Variants in MEOX2 observed in about 807,000 individuals in gnomAD.
MEOX2 encodes the protein homeobox protein MOX-2.
MEOX2 carries 11 observed loss-of-function variants against 27.0 expected under a neutral mutation model. That is an observed-to-expected ratio of 0.41 (90% CI 0.26 to 0.68). MEOX2 has a LOEUF of 0.68. Ranked by LOEUF, MEOX2 falls within the 30% of genes least tolerant of loss-of-function variation. MEOX2 has a pLI of 0.33. For missense variants in MEOX2, 436 were observed against 385.4 expected, an observed-to-expected ratio of 1.13 and a Z score of -1.10; for synonymous variants, 189 against 155.4, an observed-to-expected ratio of 1.22 and a Z score of -1.61.
intron 1 of MEOX2, among the ~76,000 whole-genome samples, chr7:15,649,182 T>C (rs1203422027): frequency 6.6e-6 from 1 of 152,114 alleles, no homozygotes; most frequent in Non-Finnish European, 1.5e-5. Flanking sequence ...TTTTAAATTG[T>C]TAACTACCAC....
chr7:15,671,907 T>C (rs1285398091), intron 1 of MEOX2, among the ~76,000 whole-genome samples: 1 of 151,322 alleles, frequency 6.6e-6, no homozygotes, highest in African/African-American at 2.4e-5. Context: ...CTATTAATAA[T>C]ACTAATCTCT....
At chr7:15,673,520 A>C (rs2115392379) in intron 1 of MEOX2, among the ~76,000 whole-genome samples, 1 of 151,616 alleles carries the variant, frequency 6.6e-6, no homozygotes, top group African/African-American at 2.4e-5. Context: ...TACTTCTTAC[A>C]ACTGAAGGTG....
intron 1 of MEOX2, among the ~76,000 whole-genome samples, chr7:15,633,360 G>A (rs574295867): frequency 6.6e-6 from 1 of 152,004 alleles, no homozygotes; most frequent in Admixed American, 6.6e-5. Flanking sequence ...TTGAGAAGAT[G>A]GGGAGGGAAA....
Position 15,686,417 on chromosome 7 carries a change from G to T in MEOX2, c.-15C>A. The stretch of plus-strand genomic sequence containing the variant: ...GGGTGTTCCATAGCATGCAAGTTTC[G>T]GGTTCCAGGCAGAAGACTTCACGGC... On this transcript the variant is annotated 5_prime_UTR_variant, in exon 1 of 3. Coordinates refer to ENST00000262041, the MANE Select transcript of MEOX2 (RefSeq NM_005924.5). 1.3e-6 allele frequency: 2 copies of T among 1,556,066 alleles called. No individual in the cohort carries two copies. Among genetic ancestry groups the T allele is most frequent in the East Asian group, 2.4e-5 (1 of 41,644 alleles).
At chr7:15,663,473 C>T (rs1781948107) in intron 1 of MEOX2, among the ~76,000 whole-genome samples, 1 of 150,898 alleles carries the variant, frequency 6.6e-6, no homozygotes, top group African/African-American at 2.4e-5. Flanking sequence ...GTTGGGGTTA[C>T]AGGCGCATGC....
intron 2 of MEOX2, among the ~76,000 whole-genome samples, chr7:15,619,316 G>C (rs946889458): frequency 3.9e-5 from 6 of 151,956 alleles, no homozygotes; most frequent in African/African-American, 1.4e-4. Flanking sequence ...CATAGCAGAA[G>C]TCTCTTTCTT....
In MEOX2 at chr7:15,685,964, C is replaced by G; in HGVS notation, c.439G>C (p.Gly147Arg). Residue 147 changes from glycine (G) to arginine (R), a missense_variant, in exon 1 of 3, where the codon GGG (glycine) becomes CGG (arginine). By Grantham distance (125) the Gly-to-Arg change is moderately radical. Transcript: ENST00000262041. ...GACAGTGCCTGGCGGCCGTAGTCCC[C>G]CGGCGCGCACGCGGCCCCAGTCGGG... The part of the protein sequence containing the change: ...STPTGAACAP[G>R]DYGRQALSPA... 6.2e-7 allele frequency: 1 copy of G among 1,611,204 alleles called. No individual in the cohort carries two copies. The highest frequency in any genetic ancestry group is 1.3e-5 in the African/African-American group (1 of 75,044).
intron 2 of MEOX2, among the ~76,000 whole-genome samples, chr7:15,626,179 A>G (rs576851336): frequency 6.6e-6 from 1 of 152,206 alleles, no homozygotes; most frequent in African/African-American, 2.4e-5. Context: ...ATTCTTTCTT[A>G]TTTCTTGTAG....
chr7:15,648,400 A>C (rs1225641440), intron 1 of MEOX2, among the ~76,000 whole-genome samples: 1 of 152,146 alleles, frequency 6.6e-6, no homozygotes, highest in Non-Finnish European at 1.5e-5. Flanking sequence ...TGAAGGAATA[A>C]AAAGAAAGCG....
At chr7:15,685,847 C>T (rs753283129) in intron 1 of MEOX2, 39 bp downstream of exon 1, 1 of 1,544,048 alleles carries the variant, frequency 6.5e-7, no homozygotes, top group Non-Finnish European at 8.7e-7. Flanking sequence ...CCTTTTCCAG[C>T]CCGGCGCGCA....
At chr7:15,630,717 T>A (rs988449667) in intron 1 of MEOX2, among the ~76,000 whole-genome samples, 1 of 152,004 alleles carries the variant, frequency 6.6e-6, no homozygotes, top group African/African-American at 2.4e-5. Flanking sequence ...AACCCATAGT[T>A]ATGGAAAGCT....
At chr7:15,638,863 T>G (rs1308632489) in intron 1 of MEOX2, among the ~76,000 whole-genome samples, 2 of 152,180 alleles carry the variant, frequency 1.3e-5, no homozygotes, top group African/African-American at 4.8e-5. Context: ...ATATCACAAT[T>G]TCTTTACGCG....
intron 1 of MEOX2, chr7:15,681,691 T>C (rs1409483278): frequency 4.6e-5 from 7 of 151,728 alleles, no homozygotes; most frequent in Non-Finnish European, 7.4e-5. Context: ...GGGTAATGAC[T>C]GAAGTACTGT....
chr7:15,645,682 G>A (rs1264254379), intron 1 of MEOX2, among the ~76,000 whole-genome samples: 1 of 152,106 alleles, frequency 6.6e-6, no homozygotes, highest in Non-Finnish European at 1.5e-5. Context: ...AAAGAAAGAA[G>A]CATTTCTCAA....
At chr7:15,647,484 T>G (rs1781669672) in intron 1 of MEOX2, among the ~76,000 whole-genome samples, 1 of 152,132 alleles carries the variant, frequency 6.6e-6, no homozygotes, top group South Asian at 2.1e-4. Flanking sequence ...ATGGTTCAAT[T>G]TCTTTGTCTT....
At chr7:15,614,297 C>T (rs145856204) in intron 2 of MEOX2, among the ~76,000 whole-genome samples, 1 of 151,396 alleles carries the variant, frequency 6.6e-6, no homozygotes, top group East Asian at 1.9e-4. Context: ...GCCTGTAGTC[C>T]CAGCTTCTCA....
At chr7:15,684,461 T>G (rs1412200232) in intron 1 of MEOX2, among the ~76,000 whole-genome samples, 1 of 152,212 alleles carries the variant, frequency 6.6e-6, no homozygotes, top group African/African-American at 2.4e-5. Context: ...TTATAAAAAC[T>G]AATTTGTGAT....
chr7:15,668,344 T>C (rs1349098388), intron 1 of MEOX2: 1 of 152,232 alleles, frequency 6.6e-6, no homozygotes, highest in Non-Finnish European at 1.5e-5. Flanking sequence ...ACATTTCTTT[T>C]CTCTGGCTTT....
intron 1 of MEOX2, among the ~76,000 whole-genome samples, chr7:15,635,777 G>A (rs1412869962): frequency 6.6e-6 from 1 of 151,984 alleles, no homozygotes. Context: ...ATTGAAAAAT[G>A]GTTGGGCCCC....
Sources: gnomAD v4.1 joint callset for allele counts (sites outside exome capture counted in the v4.1 genomes callset) on GRCh38, gnomAD v4.1.1 for gene constraint, MANE v1.5 for transcripts, NCBI Gene and HGNC (gene_info 2026-07-23, HGNC 2026-07-21) for gene names.